Variants in MYO1D observed in about 807,000 individuals in gnomAD.
MYO1D encodes the protein myosin ID.
MYO1D carries 83 observed loss-of-function variants against 122.0 expected under a neutral mutation model. The ratio of observed to expected loss-of-function variants is 0.68; its 90% CI spans 0.57 to 0.82. The LOEUF is 0.82. MYO1D is among the 40% of genes least tolerant of loss of function. The probability of loss-of-function intolerance (pLI) is 0.00; values close to 1 mark genes in which losing one functional copy is unlikely to be tolerated. For synonymous variants in MYO1D, 464 were observed against 446.9 expected, an observed-to-expected ratio of 1.04 and a Z score of -0.48; for missense variants, 1,157 against 1,269.5, an observed-to-expected ratio of 0.91 and a Z score of 1.35.
At chr17:32,819,241 G>C (rs997473608) in intron 1 of MYO1D, among the ~76,000 whole-genome samples, 1 of 149,726 alleles carries the variant, frequency 6.7e-6, no homozygotes, top group African/African-American at 2.5e-5. Flanking sequence ...TAGTGTGATT[G>C]CAAGAAGGGA....
chr17:32,513,414 G>A (rs1909763670), intron 21 of MYO1D, among the ~76,000 whole-genome samples: 1 of 152,200 alleles, frequency 6.6e-6, no homozygotes, highest in Non-Finnish European at 1.5e-5. Flanking sequence ...TTGAGCTCAT[G>A]TGATGGAGAA....
At chr17:32,705,781 G>A (rs147322236) in intron 16 of MYO1D, among the ~76,000 whole-genome samples, 1 of 152,272 alleles carries the variant, frequency 6.6e-6, no homozygotes, top group African/African-American at 2.4e-5. Context: ...TGTTGTGGGA[G>A]GGACCCAAGT....
intron 21 of MYO1D, among the ~76,000 whole-genome samples, chr17:32,570,304 G>A (rs553945972): frequency 6.6e-6 from 1 of 152,226 alleles, no homozygotes; most frequent in East Asian, 1.9e-4. Context: ...GTTGTAGAAT[G>A]GGTACAGGAT....
At chr17:32,526,106 C>T (rs556832487) in intron 21 of MYO1D, among the ~76,000 whole-genome samples, 16 of 152,316 alleles carry the variant, frequency 1.1e-4, no homozygotes, top group African/African-American at 3.4e-4. Flanking sequence ...TTAACTGCCC[C>T]TTTGACGTAT....
At chr17:32,863,457 G>A (rs530052837) in intron 1 of MYO1D, among the ~76,000 whole-genome samples, 74 of 152,118 alleles carry the variant, frequency 4.9e-4, no homozygotes, top group Non-Finnish European at 9.7e-4. Context: ...TAATGAGCTC[G>A]GCTGACAGCC....
In MYO1D at chr17:32,652,913, G is replaced by A. The variant is rs868689751; in HGVS notation, c.2595+930C>T. On this transcript the variant is annotated intron_variant, in intron 19 of 21. Transcript: ENST00000318217. ...TCCCAGCACTCTGGGAGGCCGAGGC[G>A]GGCGGATCACGAGGTCAGGAGATCG... is the stretch of plus-strand genomic sequence containing the variant. 2.1e-4 allele frequency among the ~76,000 whole-genome samples: 32 copies of A among 152,214 alleles called. No individual in the cohort carries two copies. In the South Asian group the frequency reaches 2.3e-3, roughly 11 times the overall value.
chr17:32,654,412 A>AT (rs1270274009), intron 18 of MYO1D, 65 bp downstream of exon 18: 1 of 1,498,652 alleles, frequency 6.7e-7, no homozygotes, highest in Non-Finnish European at 9.0e-7. Flanking sequence ...TTCTTTGGAG[A>AT]TATGTACTTC....
intron 21 of MYO1D, among the ~76,000 whole-genome samples, chr17:32,576,622 C>G (rs2087280840): frequency 6.6e-6 from 1 of 152,128 alleles, no homozygotes; most frequent in Non-Finnish European, 1.5e-5. Context: ...TGATTTACTA[C>G]TGCCTCTTTT....
At chr17:32,536,553 G>A (rs1324960086) in intron 21 of MYO1D, among the ~76,000 whole-genome samples, 1 of 152,152 alleles carries the variant, frequency 6.6e-6, no homozygotes, top group Non-Finnish European at 1.5e-5. Context: ...TGGCTTATAT[G>A]AGTTATAGAT....
chr17:32,616,439 C>T (rs1263218511), intron 20 of MYO1D, among the ~76,000 whole-genome samples: 1 of 151,522 alleles, frequency 6.6e-6, no homozygotes, highest in Non-Finnish European at 1.5e-5. Flanking sequence ...TCCCAAGTAG[C>T]TGGGACTACA....
intron 21 of MYO1D, among the ~76,000 whole-genome samples, chr17:32,592,237 C>A (rs1436186972): frequency 2.6e-5 from 4 of 152,168 alleles, no homozygotes; most frequent in Admixed American, 2.6e-4. Context: ...AATTTTATAG[C>A]CATCAAAAAT....
At chr17:32,842,776 C>G (rs544875744) in intron 1 of MYO1D, among the ~76,000 whole-genome samples, 1 of 152,180 alleles carries the variant, frequency 6.6e-6, no homozygotes, top group African/African-American at 2.4e-5. Flanking sequence ...CCAATTTCTT[C>G]TAGGAAAGTC....
At chr17:32,547,916 C>T (rs182987873) in intron 21 of MYO1D, among the ~76,000 whole-genome samples, 188 of 151,074 alleles carry the variant, frequency 1.2e-3, no homozygotes, top group African/African-American at 4.2e-3. Context: ...TGGCACTGCA[C>T]TCCAGCCTGG....
intron 20 of MYO1D, among the ~76,000 whole-genome samples, chr17:32,637,441 C>T (rs1173392466): frequency 2.6e-5 from 4 of 152,102 alleles, no homozygotes; most frequent in African/African-American, 4.8e-5. Context: ...GAGACCACAG[C>T]GGGTGGATCA....
rs1012207082 is a variant in MYO1D, at chr17:32,591,761, C to T, written c.2864+13326G>A. ...CTTCTGGTCATTTTCTATGTCAGTT[C>T]ATGAAACCAGTGGCCATCAAGCTTG... On this transcript the variant is annotated intron_variant, in intron 21 of 21. Coordinates refer to ENST00000318217, the MANE Select transcript of MYO1D (RefSeq NM_015194.3). Among the ~76,000 whole-genome samples the T allele has an allele frequency of 3.4e-4, 51 of 152,046 alleles. 1 individual carries two copies. Among genetic ancestry groups the T allele is most frequent in the Non-Finnish European group, 7.4e-5 (5 of 68,004 alleles).
intron 16 of MYO1D, among the ~76,000 whole-genome samples, chr17:32,696,092 G>A (rs994786506): frequency 1.3e-5 from 2 of 152,056 alleles, no homozygotes; most frequent in African/African-American, 4.8e-5. Flanking sequence ...TGGAATATGT[G>A]CTTGCATATT....
At chr17:32,778,806 G>T (rs1001817173) in intron 2 of MYO1D, among the ~76,000 whole-genome samples, 9 of 152,086 alleles carry the variant, frequency 5.9e-5, no homozygotes, top group African/African-American at 2.2e-4. Flanking sequence ...CTAAAATAAT[G>T]AGTAGACTAC....
In MYO1D at chr17:32,712,137, CCT is replaced by C; in HGVS notation, c.1970_1971del (p.Glu657GlyfsTer7). 6.2e-7 allele frequency: 1 copy of C among 1,614,022 alleles called. No individual in the cohort carries two copies. Among genetic ancestry groups the C allele is most frequent in the Non-Finnish European group, 8.5e-7 (1 of 1,180,002 alleles). Reference sequence around the variant, plus strand: ...CACCGTTCAATTAGTTTCTTGACAGCCTCTTTGTCTGAAGGAAGGTCATGGTT... The same window carrying C: ...CACCGTTCAATTAGTTTCTTGACAGCCTTTGTCTGAAGGAAGGTCATGGTT... ...WPNHDLPSDKEAVKKLIERCG... is the reference protein window; with the variant it reads ...WPNHDLPSDKXAVKKLIERCG... On this transcript the variant is annotated frameshift_variant, in exon 16 of 22. Transcript: ENST00000318217. LOFTEE classifies it high-confidence loss of function.
chr17:32,802,631 T>G (rs2090470290), intron 1 of MYO1D, among the ~76,000 whole-genome samples: 1 of 152,234 alleles, frequency 6.6e-6, no homozygotes, highest in Non-Finnish European at 1.5e-5. Flanking sequence ...TTAAAAGTTG[T>G]AAGAAGACCA....
Sources: allele counts gnomAD v4.1 joint callset (sites outside exome capture counted in the v4.1 genomes callset), GRCh38; gene constraint gnomAD v4.1.1; transcripts MANE v1.5; gene names NCBI Gene and HGNC (gene_info 2026-07-23, HGNC 2026-07-21).